SPECC1: variants seen among roughly 807,000 people sequenced by gnomAD.
The protein encoded by SPECC1 is sperm antigen with calponin homology and coiled-coil domains 1, also known as cytospin-B.
SPECC1 carries 62 observed loss-of-function variants against 104.1 expected under a neutral mutation model. That is an observed-to-expected ratio of 0.60 (90% CI 0.49 to 0.74). The LOEUF (loss-of-function observed/expected upper bound fraction) is 0.74. SPECC1 is among the 30% of genes least tolerant of loss of function. The pLI is 0.00. For synonymous variants in SPECC1, 513 were observed against 501.6 expected, an observed-to-expected ratio of 1.02 and a Z score of -0.30; for missense variants, 1,306 against 1,310.5, an observed-to-expected ratio of 1.00 and a Z score of 0.05.
intron 11 of SPECC1, 130 bp from the exon 12 acceptor site, chr17:20,260,062 G>A: frequency 1.7e-6 from 1 of 584,240 alleles, no homozygotes; most frequent in South Asian, 3.1e-5. Flanking sequence ...GACTAATTCG[G>A]CTGTTTCTTT....
At chr17:20,239,908 TTTA>T (rs1231419790) in intron 7 of SPECC1, among the ~76,000 whole-genome samples, 1 of 52,122 alleles carries the variant, frequency 1.9e-5, no homozygotes, top group Non-Finnish European at 3.3e-5. Flanking sequence ...TTTTTTTTTT[TTTA>T]AAGACAGGGC....
rs2042030421 is a variant in SPECC1, at chr17:20,315,586, T to A, written c.*1521T>A. 1 of 232,470 alleles carries A rather than the reference T, an allele frequency of 4.3e-6. No homozygotes were observed. Among genetic ancestry groups the A allele is most frequent in the Non-Finnish European group, 8.5e-6 (1 of 117,786 alleles). 14.4% of individuals were successfully genotyped at this position (232,470 alleles called of 1,614,324 possible). ...CATCCTTCCAGTGAGTCACCGAGAATGACAGTGACTGCCATTACTATTCAA... is the reference window on the plus strand; with the variant it reads ...CATCCTTCCAGTGAGTCACCGAGAAAGACAGTGACTGCCATTACTATTCAA... On this transcript the variant is annotated 3_prime_UTR_variant, in exon 15 of 15. Transcript: ENST00000395527.
chr17:20,104,216 G>C (rs2048078358), intron 2 of SPECC1, among the ~76,000 whole-genome samples: 1 of 152,216 alleles, frequency 6.6e-6, no homozygotes, highest in Admixed American at 6.5e-5. Flanking sequence ...GTACTAAACA[G>C]AAGGCGTGAT....
intron 2 of SPECC1, among the ~76,000 whole-genome samples, chr17:20,104,222 G>A (rs996440337): frequency 2.0e-5 from 3 of 152,178 alleles, no homozygotes; most frequent in East Asian, 1.9e-4. Flanking sequence ...AACAGAAGGC[G>A]TGATGAGTAC....
At chr17:20,056,430 G>GT (rs1201721562) in intron 1 of SPECC1, 2 of 190,944 alleles carry the variant, frequency 1.0e-5, no homozygotes, top group African/African-American at 4.7e-5. Flanking sequence ...GTATCATGGA[G>GT]TGTCAGCTTG....
intron 3 of SPECC1, among the ~76,000 whole-genome samples, chr17:20,179,716 A>C (rs994100689): frequency 2.0e-5 from 3 of 152,234 alleles, no homozygotes; most frequent in African/African-American, 2.4e-5. Context: ...TCAGATGTCC[A>C]ATTGGATGCT....
intron 3 of SPECC1, among the ~76,000 whole-genome samples, 165 bp from the exon 4 acceptor site, chr17:20,204,168 A>G (rs2036611648): frequency 1.3e-5 from 2 of 152,150 alleles, no homozygotes; most frequent in Admixed American, 6.6e-5. Flanking sequence ...TGTGGGGAGG[A>G]AGCACAGAAA....
chr17:20,077,070 AT>A (rs2046788820), intron 1 of SPECC1, among the ~76,000 whole-genome samples: 1 of 152,012 alleles, frequency 6.6e-6, no homozygotes, highest in African/African-American at 2.4e-5. Flanking sequence ...TTTGTCAGTT[AT>A]TTTCCCCAGT....
intron 12 of SPECC1, among the ~76,000 whole-genome samples, chr17:20,288,180 T>A (rs1226532944): frequency 6.6e-6 from 1 of 152,234 alleles, no homozygotes; most frequent in Non-Finnish European, 1.5e-5. Flanking sequence ...ATTTTCTTTA[T>A]TCAGTCTATC....
chr17:20,138,092 C>T (rs1225334519), intron 3 of SPECC1, among the ~76,000 whole-genome samples: 1 of 152,158 alleles, frequency 6.6e-6, no homozygotes, highest in Non-Finnish European at 1.5e-5. Context: ...CCCCAGCCTC[C>T]TGAGTAGCTG....
intron 3 of SPECC1, among the ~76,000 whole-genome samples, chr17:20,201,161 G>GA (rs1412291253): frequency 6.6e-6 from 1 of 151,850 alleles, no homozygotes; most frequent in Non-Finnish European, 1.5e-5. Flanking sequence ...ACAATTGAAG[G>GA]TTTAAAAAAA....
chr17:20,156,659 C>A (rs1398718834), intron 3 of SPECC1, among the ~76,000 whole-genome samples: 1 of 152,126 alleles, frequency 6.6e-6, no homozygotes, highest in Non-Finnish European at 1.5e-5. Context: ...CTGCCCCTCA[C>A]ACTCACGCCA....
intron 1 of SPECC1, among the ~76,000 whole-genome samples, chr17:20,093,356 G>A (rs752123128): frequency 7.9e-5 from 12 of 152,166 alleles, no homozygotes; most frequent in Non-Finnish European, 1.2e-4. Context: ...ATACCACAAT[G>A]GGGGTTAGGT....
At chr17:20,016,671 G>A (rs2044142395) in intron 1 of SPECC1, among the ~76,000 whole-genome samples, 1 of 152,256 alleles carries the variant, frequency 6.6e-6, no homozygotes, top group South Asian at 2.1e-4. Flanking sequence ...CTGCGGGGCA[G>A]CGCTCATGAC....
chr17:20,213,393 A>G (rs2151391169), intron 4 of SPECC1, among the ~76,000 whole-genome samples: 1 of 152,280 alleles, frequency 6.6e-6, no homozygotes, highest in South Asian at 2.1e-4. Context: ...ACGTACCCAG[A>G]GCTCTTATTA....
intron 1 of SPECC1, among the ~76,000 whole-genome samples, chr17:20,044,123 G>GT (rs2045441906): frequency 1.3e-5 from 2 of 152,064 alleles, no homozygotes; most frequent in African/African-American, 4.8e-5. Flanking sequence ...GTGGAGAAGA[G>GT]TAAGGATCTT....
At chr17:20,275,377 T>C (rs988305955) in intron 12 of SPECC1, among the ~76,000 whole-genome samples, 1 of 152,230 alleles carries the variant, frequency 6.6e-6, no homozygotes, top group African/African-American at 2.4e-5. Context: ...GTTTTTGTTA[T>C]GATGTTAGTG....
In SPECC1 at chr17:20,311,363, C is replaced by T. The variant is rs368424976; in HGVS notation, c.3118-2613C>T. Among the ~76,000 whole-genome samples, 11 of 151,866 alleles carry T rather than the reference C, an allele frequency of 7.2e-5. No individual in the cohort carries two copies. The South Asian group carries it at 2.3e-3, about 32-fold the overall frequency. The stretch of plus-strand genomic sequence containing the variant: ...TCATGCCGTTTAGCACTAGCTAGAA[C>T]TTCCAGTACATTTTTTTTTTGTTTT... On this transcript the variant is annotated intron_variant, in intron 14 of 14. Coordinates refer to ENST00000395527, the MANE Select transcript of SPECC1 (RefSeq NM_001243439.2).
intron 7 of SPECC1, among the ~76,000 whole-genome samples, chr17:20,234,693 A>G (rs2038802844): frequency 6.6e-6 from 1 of 152,216 alleles, no homozygotes; most frequent in Admixed American, 6.5e-5. Flanking sequence ...AGAAGGTAAG[A>G]TCACCCAAAA....
Sources: gnomAD v4.1 joint callset for allele counts (sites outside exome capture counted in the v4.1 genomes callset) on GRCh38, gnomAD v4.1.1 for gene constraint, MANE v1.5 for transcripts, NCBI Gene and HGNC (gene_info 2026-07-23, HGNC 2026-07-21) for gene names.